TEX9: variants seen among roughly 807,000 people sequenced by gnomAD.
The protein encoded by TEX9 is testis expressed 9, also known as testis-expressed protein 9.
In TEX9, 74 loss-of-function variants were observed where a neutral mutation model predicts 59.6. That is an observed-to-expected ratio of 1.24 (90% CI 1.03 to 1.51). The LOEUF is 1.51. Ranked by LOEUF, TEX9 falls within the 40% of genes most tolerant of loss-of-function variation. The probability of loss-of-function intolerance (pLI) is 0.00; values close to 1 mark genes in which losing one functional copy is unlikely to be tolerated. For synonymous variants in TEX9, 186 were observed against 152.2 expected (o/e 1.22, Z -1.64); for missense variants, 522 against 447.8 (o/e 1.17, Z -1.49).
intron 12 of TEX9, chr15:56,443,509 C>T (rs529820032): frequency 6.8e-5 from 109 of 1,598,004 alleles, no homozygotes; most frequent in East Asian, 3.8e-4. Flanking sequence ...TTCACGTTGC[C>T]GCAGCATTTC....
intron 12 of TEX9, among the ~76,000 whole-genome samples, chr15:56,437,909 G>T (rs1429560992): frequency 6.6e-6 from 1 of 152,054 alleles, no homozygotes; most frequent in Non-Finnish European, 1.5e-5. Flanking sequence ...AACTTACAAG[G>T]GATGTGAAGG....
At chr15:56,440,926 A>T (rs759920839) in intron 12 of TEX9, among the ~76,000 whole-genome samples, 1 of 152,126 alleles carries the variant, frequency 6.6e-6, no homozygotes, top group Admixed American at 6.5e-5. Flanking sequence ...CTTTTAGACT[A>T]TTGTGAATAA....
At chr15:56,307,912 C>A (rs1322562181) in intron 1 of TEX9, among the ~76,000 whole-genome samples, 1 of 152,146 alleles carries the variant, frequency 6.6e-6, no homozygotes, top group African/African-American at 2.4e-5. Context: ...TGGATCAATA[C>A]ATTTATTTTT....
chr15:56,372,126 T>C (rs1414178206), intron 2 of TEX9, among the ~76,000 whole-genome samples: 1 of 151,760 alleles, frequency 6.6e-6, no homozygotes, highest in African/African-American at 2.4e-5. Flanking sequence ...GTCATCTTGG[T>C]CCACTATATT....
chr15:56,314,709 G>T (rs2045711295), intron 1 of TEX9, among the ~76,000 whole-genome samples: 1 of 151,838 alleles, frequency 6.6e-6, no homozygotes, highest in African/African-American at 2.4e-5. Context: ...TATCCTTGTT[G>T]ACTTTCTGTC....
In TEX9 at chr15:56,412,257, CTA is replaced by C. The variant is rs754437248; in HGVS notation, c.829-43_829-42del. ...TACTGCAAAATGATAAAGGGGGAAA[CTA>C]TGATATATTTATAAATGTTCCATAA... On this transcript the variant is annotated intron_variant, in intron 9 of 12. Coordinates refer to ENST00000352903, the Ensembl canonical transcript of TEX9. 1.9e-6 allele frequency: 3 copies of C among 1,540,614 alleles called. No homozygotes were observed. The Admixed American group carries it at 6.1e-5, about 32-fold the overall frequency.
upstream of TEX9, among the ~76,000 whole-genome samples, chr15:56,361,675 G>A (rs530147752): frequency 1.5e-4 from 22 of 151,208 alleles, no homozygotes; most frequent in African/African-American, 4.2e-4. Flanking sequence ...ATGTAATCAC[G>A]TTAGGATGAG....
At chr15:56,259,392 T>C (rs2044214401) in intron 1 of TEX9, among the ~76,000 whole-genome samples, 1 of 152,106 alleles carries the variant, frequency 6.6e-6, no homozygotes, top group South Asian at 2.1e-4. Flanking sequence ...ACTGTTTTTC[T>C]TTCACATGAA....
intron 1 of TEX9, among the ~76,000 whole-genome samples, chr15:56,317,008 C>G (rs561714472): frequency 1.3e-5 from 2 of 152,364 alleles, no homozygotes; most frequent in Admixed American, 1.3e-4. Context: ...CCTGCTTCTG[C>G]TCGCGCAGGG....
intron 3 of TEX9, among the ~76,000 whole-genome samples, chr15:56,373,736 A>G (rs1007913716): frequency 4.6e-5 from 7 of 152,198 alleles, no homozygotes; most frequent in Admixed American, 6.5e-5. Flanking sequence ...TTCCATTTAG[A>G]TTCTCCAGTC....
chr15:56,249,944 T>C (rs2043975345), intron 1 of TEX9, among the ~76,000 whole-genome samples: 1 of 152,060 alleles, frequency 6.6e-6, no homozygotes, highest in Non-Finnish European at 1.5e-5. Flanking sequence ...TTGCCTCTCT[T>C]GGCCCATAAG....
intron 1 of TEX9, among the ~76,000 whole-genome samples, chr15:56,306,183 A>G (rs564399310): frequency 6.8e-6 from 1 of 146,116 alleles, no homozygotes; most frequent in South Asian, 2.2e-4. Context: ...ACTATGCAGA[A>G]CAGTATGGAG....
intron 9 of TEX9, among the ~76,000 whole-genome samples, chr15:56,408,178 G>A (rs1198096731): frequency 6.6e-6 from 1 of 151,980 alleles, no homozygotes; most frequent in African/African-American, 2.4e-5. Flanking sequence ...TACCTCATGT[G>A]CCATTTTCTC....
At chr15:56,271,817 A>T (rs2044539709) in intron 1 of TEX9, among the ~76,000 whole-genome samples, 1 of 152,190 alleles carries the variant, frequency 6.6e-6, no homozygotes, top group Non-Finnish European at 1.5e-5. Context: ...AAAAATTCAT[A>T]TAAAAGTCAA....
chr15:56,335,820 G>A (rs1475814009), intron 1 of TEX9, among the ~76,000 whole-genome samples: 2 of 152,010 alleles, frequency 1.3e-5, no homozygotes, highest in South Asian at 2.1e-4. Flanking sequence ...ATTTGTTAAA[G>A]TGTGCAATGT....
At chr15:56,293,445 T>G (rs1266371718) in intron 1 of TEX9, among the ~76,000 whole-genome samples, 1 of 152,046 alleles carries the variant, frequency 6.6e-6, no homozygotes, top group Non-Finnish European at 1.5e-5. Flanking sequence ...AGACTTGGCA[T>G]GTAGTAAAGA....
At chr15:56,391,289 A>G in exon 7 of TEX9, 1 of 1,587,482 alleles carries the variant, frequency 6.3e-7, no homozygotes, top group East Asian at 2.3e-5. Flanking sequence ...CGATGTTGCC[A>G]TTCCAGAGGA....
chr15:56,281,928 T>C (rs1157023982), intron 1 of TEX9, among the ~76,000 whole-genome samples: 1 of 152,216 alleles, frequency 6.6e-6, no homozygotes, highest in Non-Finnish European at 1.5e-5. Flanking sequence ...ACTGTTTTCA[T>C]GAACCAGAAC....
At chr15:56,440,677 C>T (rs1207873943) in intron 12 of TEX9, among the ~76,000 whole-genome samples, 2 of 152,020 alleles carry the variant, frequency 1.3e-5, no homozygotes, top group Non-Finnish European at 2.9e-5. Context: ...GGATGAATTT[C>T]CAGGAAATTA....
Sources: allele counts gnomAD v4.1 joint callset (sites outside exome capture counted in the v4.1 genomes callset), GRCh38; gene constraint gnomAD v4.1.1; transcripts MANE v1.5; gene names NCBI Gene and HGNC (gene_info 2026-07-23, HGNC 2026-07-21).